PELP1: variants seen among roughly 807,000 people sequenced by gnomAD.
PELP1 encodes proline-, glutamic acid- and leucine-rich protein 1.
Under a neutral mutation model 95.5 loss-of-function variants are expected in PELP1, and 32 were observed. That is an observed-to-expected ratio of 0.34 (90% confidence interval 0.25 to 0.45). The LOEUF is 0.45. PELP1 is among the 20% of genes least tolerant of loss of function. The pLI is 1.00. For synonymous variants in PELP1, 668 were observed against 600.1 expected (o/e 1.11, Z -1.65); for missense variants, 1,358 against 1,444.8 (o/e 0.94, Z 0.97).
At chr17:4,687,697 T>C (rs1455502002) in intron 3 of PELP1, among the ~76,000 whole-genome samples, 1 of 152,140 alleles carries the variant, frequency 6.6e-6, no homozygotes, top group Non-Finnish European at 1.5e-5. Flanking sequence ...AACATTTACT[T>C]CATAGAAAAA....
rs1340298329 is a variant in PELP1, at chr17:4,673,644, G to C, written c.1613C>G (p.Pro538Arg). Residue 538 changes from proline (P) to arginine (R), a missense_variant, in exon 14 of 17, where the codon CCT becomes CGT. Around this residue, in one of 7 missense-constraint regions of PELP1, gnomAD observed 538 missense variants for 628.1 expected, o/e 0.86. Coordinates refer to ENST00000572293, the MANE Select transcript of PELP1 (RefSeq NM_014389.3). This position sits in a 1 kb window ranked among gnomAD's most constrained non-coding sequence, Gnocchi z 5.7. Reference sequence around the variant, plus strand: ...CCTGTGAGTCTCCTCCTTGATGAGAGGCCCACACATGAGGATGGTCCGGCT... The same window carrying C: ...CCTGTGAGTCTCCTCCTTGATGAGACGCCCACACATGAGGATGGTCCGGCT... The part of the protein sequence containing the change: ...GLSRTILMCG[P>R]LIKEETHRRL... 6.2e-7 allele frequency: 1 copy of C among 1,613,946 alleles called. No individual in the cohort carries two copies. Among genetic ancestry groups the C allele is most frequent in the Admixed American group, 1.7e-5 (1 of 60,026 alleles).
At position 4,675,558 on chromosome 17, in the gene PELP1, T is replaced by G. The variant is rs1912428643; in HGVS notation, c.1069-196A>C. On this transcript the variant is annotated intron_variant, in intron 9 of 16. Coordinates refer to ENST00000572293, the MANE Select transcript of PELP1 (RefSeq NM_014389.3). The surrounding 1 kb of genome is among the most constrained non-coding windows in gnomAD (Gnocchi z 4.3). ...GGAAGGTAAGAAGGATGGCTGGGCC[T>G]CTCAGCAATGACTCAGCTGATCCCC... is the stretch of plus-strand genomic sequence containing the variant. 1 of 707,786 alleles carries G rather than the reference T, an allele frequency of 1.4e-6. No individual in the cohort carries two copies. Among genetic ancestry groups the G allele is most frequent in the South Asian group, 1.5e-5 (1 of 66,844 alleles). The allele number at this position is 707,786 out of a possible 1,614,324, so 43.8% of individuals were successfully genotyped here. A position where few individuals can be genotyped will look rare whatever the true frequency, so the allele number is the denominator to read the frequency against.
chr17:4,673,433 G>A lies in PELP1; in HGVS notation c.1662C>T (p.Pro554=). ...CACCCTGCTGTACACCCATGACCAG[G>A]GGGAGGACCAGGTCATGCAGTCTCT... is the stretch of plus-strand genomic sequence containing the variant. The part of the protein sequence containing the change: ...THRRLHDLVL[P]LVMGVQQGEV... Residue 554 remains proline (P), a synonymous_variant, in exon 15 of 17, where the codon CCC becomes CCT. Coordinates refer to ENST00000572293, the MANE Select transcript of PELP1 (RefSeq NM_014389.3). The surrounding 1 kb of genome is among the most constrained non-coding windows in gnomAD (Gnocchi z 5.7). The A allele has an allele frequency of 1.9e-6, 3 of 1,593,740 alleles. No homozygotes were observed. The highest frequency in any genetic ancestry group is 1.8e-4 in the Middle Eastern group (1 of 5,622).
At chr17:4,694,451 A>G (rs1913217095) in intron 1 of PELP1, among the ~76,000 whole-genome samples, 2 of 147,154 alleles carry the variant, frequency 1.4e-5, no homozygotes, top group African/African-American at 5.1e-5. Flanking sequence ...CAGGGGTTTG[A>G]GACCAGCCTG....
Position 4,676,076 on chromosome 17 carries a change from T to G in PELP1, c.940A>C (p.Arg314=). 2 of 1,613,790 alleles carry G rather than the reference T, an allele frequency of 1.2e-6. No individual in the cohort carries two copies. The highest frequency in any genetic ancestry group is 4.5e-5 in the East Asian group (2 of 44,884). ...DAHVLLQLRQ[R]FSGLARCLGL... ...AGGCAGCGGGCCAGTCCCGAAAACCTCTGCCGAAGCTGGAGAAGGACATGG... is the reference window on the plus strand; with the variant it reads ...AGGCAGCGGGCCAGTCCCGAAAACCGCTGCCGAAGCTGGAGAAGGACATGG... The change falls in exon 8 of 17, where the codon AGG becomes CGG. Residue 314 remains arginine, a synonymous_variant. Coordinates refer to ENST00000572293, the MANE Select transcript of PELP1 (RefSeq NM_014389.3).
intron 5 of PELP1, among the ~76,000 whole-genome samples, chr17:4,681,671 G>A (rs887320054): frequency 2.0e-5 from 3 of 151,630 alleles, no homozygotes; most frequent in African/African-American, 7.3e-5. Flanking sequence ...GTAGTGGTAT[G>A]CACCTGCAGT....
intron 6 of PELP1, 59 bp from the exon 7 acceptor site, chr17:4,676,566 C>A (rs957604812): frequency 6.3e-7 from 1 of 1,593,074 alleles, no homozygotes; most frequent in Non-Finnish European, 8.6e-7. Context: ...CACAGAACCC[C>A]CAGCCCCACT....
Position 4,674,563 on chromosome 17 carries a change from T to C in PELP1, c.1529A>G (p.His510Arg). The C allele has an allele frequency of 6.2e-7, 1 of 1,612,722 alleles. No individual in the cohort carries two copies. The part of the protein sequence containing the change: ...DVGEAMAPPS[H>R]RKGDSNANSD... Reference sequence around the variant, plus strand: ...GTTGGCATTGCTATCCCCTTTCCGGTGGCTTGGCGGGGCCATAGCTTCCCC... The same window carrying C: ...GTTGGCATTGCTATCCCCTTTCCGGCGGCTTGGCGGGGCCATAGCTTCCCC... The change falls in exon 13 of 17, where the codon CAC becomes CGC. Residue 510 changes from histidine (H) to arginine (R), a missense_variant. Transcript: ENST00000572293.
chr17:4,680,688 A>G (rs1439404557), intron 5 of PELP1, among the ~76,000 whole-genome samples: 1 of 152,240 alleles, frequency 6.6e-6, no homozygotes, highest in Non-Finnish European at 1.5e-5. Context: ...CTAATTTGCC[A>G]CAAATTCCAG....
chr17:4,686,876 T>G (rs915560503), intron 3 of PELP1, among the ~76,000 whole-genome samples: 2 of 152,092 alleles, frequency 1.3e-5, no homozygotes, highest in Non-Finnish European at 2.9e-5. Context: ...AAACCTTCCA[T>G]GAGTTGCCAC....
At position 4,673,417 on chromosome 17, in the gene PELP1, G is replaced by A; in HGVS notation, c.1678C>T (p.Gln560Ter). ...GAGCTGCCTAGGACCTCACCCTGCT[G>A]TACACCCATGACCAGGGGGAGGACC... ...DLVLPLVMGV[Q>*]QGEVLGSSPY... Residue 560 changes from glutamine (Q) to a stop codon, truncating the protein, a stop_gained, in exon 15 of 17, where the codon CAG (glutamine) becomes TAG (stop). Transcript: ENST00000572293. LOFTEE classifies it high-confidence loss of function. This position sits in a 1 kb window ranked among gnomAD's most constrained non-coding sequence, Gnocchi z 5.7. 6.3e-7 allele frequency: 1 copy of A among 1,595,192 alleles called. No homozygotes were observed. The highest frequency in any genetic ancestry group is 8.5e-7 in the Non-Finnish European group (1 of 1,171,378).
rs1322777342 is a variant in PELP1 at position 4,672,700 on chromosome 17, G to A, written c.2291C>T (p.Ala764Val). 1 of 1,613,340 alleles carries A rather than the reference G, an allele frequency of 6.2e-7. No individual in the cohort carries two copies. Among genetic ancestry groups the A allele is most frequent in the Non-Finnish European group, 8.5e-7 (1 of 1,179,628 alleles). Reference sequence around the variant, plus strand: ...CTCCTCCTTGTCATAGTGGACAAAGGCTGGTCTGGGCACTCTCCCCCCAAA... The same window carrying A: ...CTCCTCCTTGTCATAGTGGACAAAGACTGGTCTGGGCACTCTCCCCCCAAA... Reference protein sequence around the residue: ...ETFGGRVPRPAFVHYDKEEAS... With the variant: ...ETFGGRVPRPVFVHYDKEEAS... The change falls in exon 16 of 17, where the codon GCC becomes GTC. Residue 764 changes from alanine (A) to valine (V), a missense_variant. This residue lies in a region of PELP1 where 340 missense variants were observed against 322.9 expected (regional missense o/e 1.05). Transcript: ENST00000572293.
chr17:4,683,281 C>T (rs1362345751), intron 3 of PELP1, among the ~76,000 whole-genome samples: 85 of 145,040 alleles, frequency 5.9e-4, no homozygotes, highest in African/African-American at 1.5e-3. Context: ...AGTGCAGTGG[C>T]GCGATCTCGG....
At chr17:4,691,055 G>T in intron 2 of PELP1, 62 bp from the exon 3 acceptor site, 1 of 1,178,410 alleles carries the variant, frequency 8.5e-7, no homozygotes, top group Non-Finnish European at 1.3e-6. Context: ...GAAAGTGACT[G>T]CTCTTTTATT....
rs1913674805 is a variant in PELP1, at chr17:4,704,072, C to A, written c.40G>T (p.Ala14Ser). Residue 14 changes from alanine (A) to serine (S), a missense_variant, in exon 1 of 17, where the codon GCG becomes TCG. By Grantham distance (99) the Ala-to-Ser change is moderately conservative. Around this residue, in one of 7 missense-constraint regions of PELP1, gnomAD observed 169 missense variants for 134.9 expected, o/e 1.25. Coordinates refer to ENST00000572293, the MANE Select transcript of PELP1 (RefSeq NM_014389.3). ...CCGGTCCCGCCAGGAACCCCAGCCG[C>A]GGAGCCCGCAGAGGGCCCACTCAGA... ...AVLSGPSAGSAAGVPGGTGGL... is the reference protein window; with the variant it reads ...AVLSGPSAGSSAGVPGGTGGL... 6.2e-7 allele frequency: 1 copy of A among 1,611,544 alleles called. No individual in the cohort carries two copies. Among genetic ancestry groups the A allele is most frequent in the African/African-American group, 1.3e-5 (1 of 74,928 alleles).
At chr17:4,698,390 C>G (rs911960006) in intron 1 of PELP1, among the ~76,000 whole-genome samples, 2 of 151,384 alleles carry the variant, frequency 1.3e-5, no homozygotes, top group African/African-American at 2.4e-5. Flanking sequence ...GCCAGCACTT[C>G]GGGAGGACAA....
At chr17:4,701,832 G>C (rs1417907809) in intron 1 of PELP1, among the ~76,000 whole-genome samples, 1 of 152,060 alleles carries the variant, frequency 6.6e-6, no homozygotes, top group East Asian at 1.9e-4. Flanking sequence ...GGGAAGGAAA[G>C]GAAATCCTCC....
chr17:4,673,974 T>C lies in PELP1; in HGVS notation c.1583-300A>G. On this transcript the variant is annotated intron_variant, in intron 13 of 16. Transcript: ENST00000572293. This position sits in a 1 kb window ranked among gnomAD's most constrained non-coding sequence, Gnocchi z 5.7. ...ATGGGGTGGCAGGCAGTGAAATATA[T>C]GGGACCCAGAGGAAAGGCATCCATT... 2.5e-6 allele frequency: 1 copy of C among 404,338 alleles called. No individual in the cohort carries two copies. Among genetic ancestry groups the C allele is most frequent in the Non-Finnish European group, 4.6e-6 (1 of 219,708 alleles). The allele number at this position is 404,338 out of a possible 1,614,324, so 25.0% of individuals were successfully genotyped here. A position where few individuals can be genotyped will look rare whatever the true frequency, so the allele number is the denominator to read the frequency against.
intron 4 of PELP1, 56 bp from the exon 5 acceptor site, chr17:4,682,629 C>G: frequency 6.7e-7 from 1 of 1,494,446 alleles, no homozygotes; most frequent in Non-Finnish European, 9.3e-7. Flanking sequence ...TCACCATATT[C>G]CATCTCCCCC....
Sources: allele counts gnomAD v4.1 joint callset (sites outside exome capture counted in the v4.1 genomes callset), GRCh38; gene constraint gnomAD v4.1.1; regional missense constraint gnomAD v4.1.1; non-coding constraint Gnocchi (gnomAD v3.1); transcripts MANE v1.5; gene names NCBI Gene and HGNC (gene_info 2026-07-23, HGNC 2026-07-21).